Variants in CSMD3 observed in about 807,000 individuals in gnomAD.
CSMD3 encodes the protein CUB and Sushi multiple domains 3, also known as CUB and sushi domain-containing protein 3.
CSMD3 carries 177 observed loss-of-function variants against 435.2 expected under a neutral mutation model. The observed-to-expected ratio is 0.41, with a 90% CI of 0.36 to 0.46. CSMD3 has a LOEUF of 0.46. Ranked by LOEUF, CSMD3 falls within the 20% of genes least tolerant of loss-of-function variation. The probability of loss-of-function intolerance (pLI) is 0.34; values close to 1 mark genes in which losing one functional copy is unlikely to be tolerated. For missense variants in CSMD3, 4,265 were observed against 4,504.6 expected, an observed-to-expected ratio of 0.95 and a Z score of 1.52; for synonymous variants, 1,656 against 1,520.5, an observed-to-expected ratio of 1.09 and a Z score of -2.07.
intron 3 of CSMD3, among the ~76,000 whole-genome samples, chr8:113,175,792 G>C (rs1388180833): frequency 6.6e-6 from 1 of 151,962 alleles, no homozygotes; most frequent in Non-Finnish European, 1.5e-5. Context: ...TTTGGCCTTA[G>C]AATTAATCCA....
At chr8:112,882,097 G>T (rs145687918) in intron 10 of CSMD3, among the ~76,000 whole-genome samples, 4 of 151,670 alleles carry the variant, frequency 2.6e-5, no homozygotes, top group Admixed American at 1.3e-4. Context: ...TCAGAAATAG[G>T]GAAGCCTTAG....
intron 47 of CSMD3, among the ~76,000 whole-genome samples, chr8:112,316,604 G>T (rs11785270): frequency 0.2 from 30,502 of 151,516 alleles, 3,654 homozygotes; most frequent in East Asian, 0.37. Context: ...GTAACTTTAT[G>T]TTAGGCACTG....
rs143407671 is a variant in CSMD3 at position 112,265,567 on chromosome 8, T to A, written c.9532A>T (p.Ile3178Leu). 1.2e-6 allele frequency: 2 copies of A among 1,613,470 alleles called. No homozygotes were observed. Among genetic ancestry groups the A allele is most frequent in the African/African-American group, 2.7e-5 (2 of 75,024 alleles). Residue 3178 changes from isoleucine to leucine, a missense_variant, in exon 60 of 71, where the codon ATA becomes TTA. Coordinates refer to ENST00000297405, the MANE Select transcript of CSMD3 (RefSeq NM_198123.2). ...CTIISCGDPG[I>L]PANGLRYGDD... ...CCATATCTCAGTCCATTGGCTGGTATACCTGGGTCTCCACAACTGATTACT... is the reference window on the plus strand; with the variant it reads ...CCATATCTCAGTCCATTGGCTGGTAAACCTGGGTCTCCACAACTGATTACT...
rs575591716 is a variant in CSMD3, at chr8:112,544,699, G to A, written c.4564+5972C>T. ...CATTTTCTGTTATCTTTTTGGTTTC[G>A]TTTCAATTTTCACAAGGATTGGTTT... On this transcript the variant is annotated intron_variant, in intron 27 of 70. Transcript: ENST00000297405. Among the ~76,000 whole-genome samples the A allele has an allele frequency of 1.4e-4, 21 of 152,126 alleles. No homozygotes were observed. The South Asian group carries it at 3.7e-3, about 27-fold the overall frequency.
intron 13 of CSMD3, among the ~76,000 whole-genome samples, chr8:112,741,385 A>C (rs2077301031): frequency 6.6e-6 from 1 of 151,970 alleles, no homozygotes; most frequent in African/African-American, 2.4e-5. Context: ...GGGAAATGCA[A>C]ACCAAAATCA....
At chr8:112,842,173 G>C (rs780365904) in intron 11 of CSMD3, among the ~76,000 whole-genome samples, 1 of 151,696 alleles carries the variant, frequency 6.6e-6, no homozygotes, top group African/African-American at 2.4e-5. Context: ...GTTCCAGAAG[G>C]TTGAGCATGG....
At chr8:112,319,813 G>T in intron 46 of CSMD3, 88 bp downstream of exon 46, 2 of 905,038 alleles carry the variant, frequency 2.2e-6, no homozygotes, top group Non-Finnish European at 3.7e-6. Context: ...CTCAAGACAG[G>T]CTATTACTAT....
At position 112,301,881 on chromosome 8, in the gene CSMD3, G is replaced by A. The variant is rs2130758419; in HGVS notation, c.8352C>T (p.Thr2784=). The A allele has an allele frequency of 6.2e-7, 1 of 1,613,448 alleles. No individual in the cohort carries two copies. Among genetic ancestry groups the A allele is most frequent in the Non-Finnish European group, 8.5e-7 (1 of 1,179,502 alleles). ...QTSYGSTAIF[T]CDLGFMLVGS... Reference sequence around the variant, plus strand: ...CCACAAGCATGAATCCCAAGTCGCAGGTAAAGATAGCTGTTGAGCCATATG... The same window carrying A: ...CCACAAGCATGAATCCCAAGTCGCAAGTAAAGATAGCTGTTGAGCCATATG... Residue 2784 remains threonine (T), a synonymous_variant, in exon 53 of 71, where the codon ACC becomes ACT. Transcript: ENST00000297405.
At chr8:113,153,932 C>A (rs1393336734) in intron 4 of CSMD3, among the ~76,000 whole-genome samples, 1 of 151,714 alleles carries the variant, frequency 6.6e-6, no homozygotes, top group Non-Finnish European at 1.5e-5. Context: ...AGAAAAAAAA[C>A]CCATCCAGTG....
At chr8:113,376,653 G>C in intron 1 of CSMD3, 1 of 1,488,714 alleles carries the variant, frequency 6.7e-7, no homozygotes, top group Non-Finnish European at 9.4e-7. Flanking sequence ...GACCTGGCCA[G>C]GCAGGAGGCG....
At chr8:112,748,601 C>T (rs1228012557) in intron 13 of CSMD3, among the ~76,000 whole-genome samples, 4 of 152,086 alleles carry the variant, frequency 2.6e-5, no homozygotes, top group African/African-American at 9.7e-5. Context: ...ATTTGATTTT[C>T]TGTTCCCGCA....
chr8:112,449,814 C>T (rs1307930885), intron 32 of CSMD3, among the ~76,000 whole-genome samples: 1 of 152,184 alleles, frequency 6.6e-6, no homozygotes, highest in African/African-American at 2.4e-5. Context: ...CCTCCGCCTC[C>T]TGGGCTCAAG....
chr8:113,132,713 A>G (rs1408976939), intron 4 of CSMD3, among the ~76,000 whole-genome samples: 1 of 152,170 alleles, frequency 6.6e-6, no homozygotes, highest in Non-Finnish European at 1.5e-5. Context: ...AAGAATAAAA[A>G]TACAAGAATT....
At chr8:112,941,106 T>C (rs111645374) in intron 9 of CSMD3, among the ~76,000 whole-genome samples, 5,120 of 151,814 alleles carry the variant, frequency 0.034, 149 homozygotes, top group Middle Eastern at 0.051. Context: ...ATTGGAAAAG[T>C]AAGAAAAGCT....
At chr8:112,971,318 T>C (rs2084648626) in intron 7 of CSMD3, among the ~76,000 whole-genome samples, 1 of 152,118 alleles carries the variant, frequency 6.6e-6, no homozygotes, top group African/African-American at 2.4e-5. Context: ...ATGACACAGG[T>C]GTTCTCAGCT....
chr8:112,870,667 T>G (rs79865333), intron 10 of CSMD3, among the ~76,000 whole-genome samples: 6,736 of 152,250 alleles, frequency 0.044, 172 homozygotes, highest in African/African-American at 0.055. Context: ...AATTCATTTG[T>G]GAAGGCTGAG....
At chr8:112,924,996 T>A (rs918106839) in intron 9 of CSMD3, among the ~76,000 whole-genome samples, 10 of 152,158 alleles carry the variant, frequency 6.6e-5, no homozygotes, top group South Asian at 2.1e-4. Flanking sequence ...ATTTTGAGTA[T>A]CTCTGTATTC....
intron 13 of CSMD3, among the ~76,000 whole-genome samples, chr8:112,797,749 A>T (rs1163175899): frequency 6.6e-6 from 1 of 151,762 alleles, no homozygotes; most frequent in East Asian, 1.9e-4. Context: ...TGCACATCAA[A>T]ATTTGTAACT....
chr8:112,879,433 T>C (rs1010545896), intron 10 of CSMD3, among the ~76,000 whole-genome samples: 3 of 152,126 alleles, frequency 2.0e-5, no homozygotes, highest in Non-Finnish European at 2.9e-5. Flanking sequence ...CAGTGGGACA[T>C]GGACCCTCAT....
Sources: gnomAD v4.1 joint callset for allele counts (sites outside exome capture counted in the v4.1 genomes callset) on GRCh38, gnomAD v4.1.1 for gene constraint, MANE v1.5 for transcripts, NCBI Gene and HGNC (gene_info 2026-07-23, HGNC 2026-07-21) for gene names.